The following DNM1 variants were observed in gnomAD, a reference collection of about 807,000 sequenced individuals.
DNM1 encodes the protein dynamin-1.
DNM1 carries 29 observed loss-of-function variants against 104.6 expected under a neutral mutation model. The observed-to-expected ratio is 0.28, with a 90% CI of 0.21 to 0.38. The LOEUF (loss-of-function observed/expected upper bound fraction) is 0.38, where lower values mean the gene tolerates loss of function less well. Among genes scored for constraint, DNM1 ranks in the 10% least tolerant of loss-of-function variants. The pLI is 1.00. For synonymous variants in DNM1, 445 were observed against 475.8 expected (o/e 0.94, Z 0.84); for missense variants, 640 against 1,189.4 (o/e 0.54, Z 6.79).
At position 128,218,828 on chromosome 9, in the gene DNM1, G is replaced by A. The variant is rs1834769189; in HGVS notation, c.385+97G>A. The A allele has an allele frequency of 1.2e-5, 17 of 1,439,106 alleles. No homozygotes were observed. The South Asian group carries it at 2.1e-4, about 17-fold the overall frequency. The allele number at this position is 1,439,106 out of a possible 1,614,324, so 89.1% of individuals were successfully genotyped here. A position where few individuals can be genotyped will look rare whatever the true frequency, so the allele number is the denominator to read the frequency against. On this transcript the variant is annotated intron_variant, in intron 3 of 21. Transcript: ENST00000372923. This position sits in a 1 kb window ranked among gnomAD's most constrained non-coding sequence, Gnocchi z 4.8. The stretch of plus-strand genomic sequence containing the variant: ...CTCCTGCAGACTCCGCCCCTAGAAT[G>A]ACCCTGCCTCTGCATCATCCTATTC...
intron 20 of DNM1, 114 bp from the exon 21 acceptor site, chr9:128,250,611 C>A: frequency 5.7e-6 from 6 of 1,059,128 alleles, no homozygotes; most frequent in Non-Finnish European, 6.4e-6. Flanking sequence ...AGGGGTGCGG[C>A]AGGGAGGGGC....
intron 21 of DNM1, chr9:128,252,039 G>C (rs573912531): frequency 2.8e-4 from 52 of 188,132 alleles, no homozygotes; most frequent in Admixed American, 3.9e-4. Flanking sequence ...GACTGGACTG[G>C]GAGTCCAGAG....
At position 128,250,300 on chromosome 9, in the gene DNM1, GCCCC is replaced by G. The variant is rs1350836864; in HGVS notation, c.2264_2267del (p.Pro755ArgfsTer132). 1 of 1,610,054 alleles carries G rather than the reference GCCCC, an allele frequency of 6.2e-7. No individual in the cohort carries two copies. Among genetic ancestry groups the G allele is most frequent in the Non-Finnish European group, 8.5e-7 (1 of 1,178,388 alleles). On this transcript the variant is annotated frameshift_variant, in exon 20 of 22. Coordinates refer to ENST00000372923, the MANE Select transcript of DNM1 (RefSeq NM_004408.4). LOFTEE classifies it high-confidence loss of function. The stretch of plus-strand genomic sequence containing the variant: ...ACACGACCACCGTCAGCACGCCCAT[GCCCC>G]CGCCCGTGGACGACTCCTGGCTGCA...
chr9:128,230,257 G>A (rs1835598812), intron 10 of DNM1, among the ~76,000 whole-genome samples: 1 of 150,334 alleles, frequency 6.7e-6, no homozygotes, highest in Non-Finnish European at 1.5e-5. Context: ...AAAAAAGATG[G>A]GATTCACTTG....
chr9:128,222,388 A>C lies in DNM1; in HGVS notation c.992+49A>C. 6.2e-7 allele frequency: 1 copy of C among 1,608,240 alleles called. No individual in the cohort carries two copies. Among genetic ancestry groups the C allele is most frequent in the Non-Finnish European group, 8.5e-7 (1 of 1,175,826 alleles). The stretch of plus-strand genomic sequence containing the variant: ...ACTGAATCCCCGCCCCCAGCCTCTC[A>C]GCGTGGGGCTCTCCCAGGGTTCCCT... On this transcript the variant is annotated intron_variant, in intron 7 of 21. Coordinates refer to ENST00000372923, the MANE Select transcript of DNM1 (RefSeq NM_004408.4). The surrounding 1 kb of genome is among the most constrained non-coding windows in gnomAD (Gnocchi z 7.8).
At chr9:128,226,198 T>G (rs770034216) in intron 10 of DNM1, 6 of 1,611,600 alleles carry the variant, frequency 3.7e-6, no homozygotes, top group Non-Finnish European at 5.1e-6. Context: ...TGGGCGGGGC[T>G]GGGCCTGGCC....
Position 128,254,549 on chromosome 9 carries a change from C to T in DNM1, c.2535-105C>T, listed in dbSNP as rs527864638. 9.7e-5 allele frequency: 152 copies of T among 1,573,814 alleles called. 1 individual carries two copies. In the African/African-American group the frequency reaches 1.7e-3, roughly 18 times the overall value. On this transcript the variant is annotated intron_variant, in intron 21 of 21. Coordinates refer to ENST00000372923, the MANE Select transcript of DNM1 (RefSeq NM_004408.4). This position sits in a 1 kb window ranked among gnomAD's most constrained non-coding sequence, Gnocchi z 6.1. ...AGCCTCCCCTCCCCGGCCCTCCCAC[C>T]ACTGCTGCGGCGCGGCCGGCCCCGG...
chr9:128,211,393 G>A (rs1042690676), intron 1 of DNM1, among the ~76,000 whole-genome samples: 3 of 151,634 alleles, frequency 2.0e-5, no homozygotes, highest in African/African-American at 4.8e-5. Flanking sequence ...ATTACAGTGC[G>A]TGGGAAAAAT....
chr9:128,239,288 A>G (rs1035545807), intron 11 of DNM1, among the ~76,000 whole-genome samples, 157 bp from the exon 12 acceptor site: 1 of 152,130 alleles, frequency 6.6e-6, no homozygotes, highest in African/African-American at 2.4e-5. Flanking sequence ...GTGAGCCACC[A>G]CGCTCAGCTT....
chr9:128,242,030 A>G (rs1836399251), intron 14 of DNM1, among the ~76,000 whole-genome samples: 1 of 152,152 alleles, frequency 6.6e-6, no homozygotes. Flanking sequence ...CTTTATCCTG[A>G]GCTGATCTCT....
chr9:128,215,059 G>C (rs1408971925), intron 1 of DNM1, among the ~76,000 whole-genome samples: 1 of 152,244 alleles, frequency 6.6e-6, no homozygotes, highest in Non-Finnish European at 1.5e-5. Flanking sequence ...TACGTGCGGG[G>C]CCTGTGCCAG....
chr9:128,225,889 T>C (rs1835311602), intron 10 of DNM1: 1 of 719,116 alleles, frequency 1.4e-6, no homozygotes, highest in Non-Finnish European at 2.4e-6. Context: ...TCTCTCTCTT[T>C]ATCTGTGTCG....
chr9:128,253,293 G>T lies in DNM1; in HGVS notation c.2535-1361G>T, dbSNP rs1367597744. 4.3e-6 allele frequency: 3 copies of T among 696,132 alleles called. No individual in the cohort carries two copies. The highest frequency in any genetic ancestry group is 1.8e-5 in the African/African-American group (1 of 56,414). 43.1% of individuals were successfully genotyped at this position (696,132 alleles called of 1,614,324 possible). ...TCTTTCCTCTTTCTGTCCTTGTGCC[G>T]CTGGCTCTCTCACCTCCCTTCCCTG... On this transcript the variant is annotated intron_variant, in intron 21 of 21. Transcript: ENST00000372923. The surrounding 1 kb of genome is among the most constrained non-coding windows in gnomAD (Gnocchi z 5.9).
intron 15 of DNM1, chr9:128,244,682 G>A: frequency 3.9e-6 from 2 of 506,798 alleles, no homozygotes; most frequent in South Asian, 1.5e-5. Context: ...TTCTGGGATG[G>A]CAGGCAGGGG....
At chr9:128,230,955 A>C (rs1360586552) in intron 10 of DNM1, among the ~76,000 whole-genome samples, 4 of 151,882 alleles carry the variant, frequency 2.6e-5, no homozygotes, top group Non-Finnish European at 5.9e-5. Flanking sequence ...GGCATGTGCC[A>C]CCACACCCAG....
rs1347433846 is a variant in DNM1 at position 128,240,601 on chromosome 9, G to C, written c.1557+605G>C. 1 of 152,880 alleles carries C rather than the reference G, an allele frequency of 6.5e-6. No individual in the cohort carries two copies. The highest frequency in any genetic ancestry group is 1.9e-4 in the East Asian group (1 of 5,184). The allele number at this position is 152,880 out of a possible 1,614,324, so 9.5% of individuals were successfully genotyped here. A position where few individuals can be genotyped will look rare whatever the true frequency, so the allele number is the denominator to read the frequency against. On this transcript the variant is annotated intron_variant, in intron 14 of 21. Transcript: ENST00000372923. This position sits in a 1 kb window ranked among gnomAD's most constrained non-coding sequence, Gnocchi z 5.1. ...TTCCTTCCCAGGCCCCATAAGGGGA[G>C]GGCTGAGTCTGTCCCGTTTATCATT...
At chr9:128,229,689 T>C (rs891663697) in intron 10 of DNM1, among the ~76,000 whole-genome samples, 18 of 142,876 alleles carry the variant, frequency 1.3e-4, no homozygotes. Context: ...CCGAGGCAGG[T>C]GGATCACCTG....
rs1441521036 is a variant in DNM1 at position 128,248,708 on chromosome 9, G to C, written c.2031G>C (p.Val677=). 6.2e-7 allele frequency: 1 copy of C among 1,613,828 alleles called. No individual in the cohort carries two copies. Among genetic ancestry groups the C allele is most frequent in the Non-Finnish European group, 8.5e-7 (1 of 1,179,854 alleles). The change falls in exon 19 of 22, where the codon GTG becomes GTC. Residue 677 remains valine, a synonymous_variant. Transcript: ENST00000372923. This position sits in a 1 kb window ranked among gnomAD's most constrained non-coding sequence, Gnocchi z 5.6. ...DSYMAIVNKT[V]RDLMPKTIMH... ...ACATGGCCATTGTCAACAAGACCGT[G>C]AGGGACCTCATGCCCAAGACCATCA...
intron 1 of DNM1, among the ~76,000 whole-genome samples, chr9:128,208,742 A>G (rs572382821): frequency 1.3e-4 from 20 of 152,256 alleles, no homozygotes; most frequent in Admixed American, 3.9e-4. Flanking sequence ...CACAAAGAGC[A>G]CGTTTGTCGT....
Sources: allele counts gnomAD v4.1 joint callset (sites outside exome capture counted in the v4.1 genomes callset), GRCh38; gene constraint gnomAD v4.1.1; non-coding constraint Gnocchi (gnomAD v3.1); transcripts MANE v1.5; gene names NCBI Gene and HGNC (gene_info 2026-07-23, HGNC 2026-07-21).